Variants in RNMT observed in about 807,000 individuals in gnomAD.
RNMT encodes the protein mRNA cap guanine-N(7) methyltransferase.
A neutral mutation model predicts 56.0 loss-of-function variants in RNMT; 27 were observed. That is an observed-to-expected ratio of 0.48 (90% CI 0.36 to 0.67). The LOEUF is 0.67. RNMT is among the 30% of genes least tolerant of loss of function. The pLI is 0.00. For missense variants in RNMT, 519 were observed against 552.1 expected (o/e 0.94, Z 0.60); for synonymous variants, 184 against 176.2 (o/e 1.04, Z -0.35).
intron 10 of RNMT, among the ~76,000 whole-genome samples, chr18:13,753,066 A>G (rs1410802396): frequency 2.6e-5 from 4 of 152,184 alleles, no homozygotes; most frequent in African/African-American, 9.7e-5. Flanking sequence ...TGTGATATGT[A>G]CTTTATTTTG....
chr18:13,735,044 A>G (rs1039553412), intron 4 of RNMT, among the ~76,000 whole-genome samples: 3 of 152,334 alleles, frequency 2.0e-5, no homozygotes, highest in Admixed American at 1.3e-4. Context: ...TTGAAATTAA[A>G]ATGAAAGTGA....
chr18:13,728,961 G>A (rs1388965068), intron 1 of RNMT, among the ~76,000 whole-genome samples: 1 of 152,112 alleles, frequency 6.6e-6, no homozygotes, highest in Non-Finnish European at 1.5e-5. Context: ...TTGCTGTGCA[G>A]AAGTTTTTTA....
In RNMT at chr18:13,737,132, A is replaced by T; in HGVS notation, c.676A>T (p.Thr226Ser). Reference sequence around the variant, plus strand: ...AGGAAGAATTAACAAGCTAGTTTGTACTGGTAAGATAAATAATGATATGGG... The same window carrying T: ...AGGAAGAATTAACAAGCTAGTTTGTTCTGGTAAGATAAATAATGATATGGG... Reference protein sequence around the residue: ...KKGRINKLVCTDIADVSVKQC... With the variant: ...KKGRINKLVCSDIADVSVKQC... Residue 226 changes from threonine to serine, a missense_variant, in exon 5 of 12, where the codon ACT becomes TCT. By Grantham distance (58) the Thr-to-Ser change is moderately conservative. Coordinates refer to ENST00000383314, the MANE Select transcript of RNMT (RefSeq NM_003799.3). 6.2e-7 allele frequency: 1 copy of T among 1,602,068 alleles called. No homozygotes were observed.
intron 2 of RNMT, among the ~76,000 whole-genome samples, chr18:13,731,132 C>T (rs1240573655): frequency 2.0e-5 from 3 of 152,182 alleles, no homozygotes; most frequent in Non-Finnish European, 2.9e-5. Flanking sequence ...TTAGGCCAGG[C>T]GCAGTGGCTT....
chr18:13,749,478 A>T (rs1276186839), intron 9 of RNMT, among the ~76,000 whole-genome samples: 3 of 152,200 alleles, frequency 2.0e-5, no homozygotes, highest in Non-Finnish European at 4.4e-5. Context: ...TTGCTGCAGG[A>T]TGTTTATAAA....
At chr18:13,734,099 C>CT (rs2044119652) in intron 3 of RNMT, among the ~76,000 whole-genome samples, 1 of 152,150 alleles carries the variant, frequency 6.6e-6, no homozygotes, top group African/African-American at 2.4e-5. Context: ...GGGGTTTCCC[C>CT]TTTTACTTGG....
chr18:13,740,282 A>G lies in RNMT; in HGVS notation c.792+3A>G, dbSNP rs1316043791. The G allele has an allele frequency of 4.3e-6, 6 of 1,409,322 alleles. No individual in the cohort carries two copies. The highest frequency in any genetic ancestry group is 2.8e-5 in the African/African-American group (2 of 70,316). 87.3% of individuals were successfully genotyped at this position (1,409,322 alleles called of 1,614,324 possible). On this transcript the variant is annotated splice_donor_region_variant and intron_variant, in intron 6 of 11. Transcript: ENST00000383314. ...TTATAACTGCTGACAGCTCAAAGGT[A>G]CAGTTTCTTTCTTTGGTCAATTTAT...
chr18:13,761,001 A>G lies in RNMT; in HGVS notation c.*1022A>G, dbSNP rs370831631. Reference sequence around the variant, plus strand: ...TACACCACCATTTGGAAAACTTACCAGTTTTTAGATGTAGATGTAGTGAAA... The same window carrying G: ...TACACCACCATTTGGAAAACTTACCGGTTTTTAGATGTAGATGTAGTGAAA... On this transcript the variant is annotated 3_prime_UTR_variant, in exon 12 of 12. Coordinates refer to ENST00000383314, the MANE Select transcript of RNMT (RefSeq NM_003799.3). 8 of 985,302 alleles carry G rather than the reference A, an allele frequency of 8.1e-6. No homozygotes were observed. In the African/African-American group the frequency reaches 1.4e-4, roughly 17 times the overall value. 61.0% of individuals were successfully genotyped at this position (985,302 alleles called of 1,614,324 possible). A position where few individuals can be genotyped will look rare whatever the true frequency, so the allele number is the denominator to read the frequency against.
intron 3 of RNMT, among the ~76,000 whole-genome samples, 183 bp from the exon 4 acceptor site, chr18:13,734,281 A>C (rs759370009): frequency 6.6e-6 from 1 of 152,226 alleles, no homozygotes; most frequent in Non-Finnish European, 1.5e-5. Context: ...ACTGATACAC[A>C]GGGACACAGA....
chr18:13,743,855 GA>G (rs2044300778), intron 8 of RNMT, among the ~76,000 whole-genome samples: 1 of 151,772 alleles, frequency 6.6e-6, no homozygotes, highest in Non-Finnish European at 1.5e-5. Context: ...AATAATATAA[GA>G]AAGCCAAGTA....
rs1021795081 is a variant in RNMT, at chr18:13,754,056, G to A, written c.1360-58G>A. 4 of 915,816 alleles carry A rather than the reference G, an allele frequency of 4.4e-6. No homozygotes were observed. The African/African-American group carries it at 6.6e-5, about 15-fold the overall frequency. 56.7% of individuals were successfully genotyped at this position (915,816 alleles called of 1,614,324 possible). On this transcript the variant is annotated intron_variant, in intron 10 of 11. Coordinates refer to ENST00000383314, the MANE Select transcript of RNMT (RefSeq NM_003799.3). ...ATCTCTGCCCATTATTTAGAAATAAGCATATGTTTACTTCCATATTGAATC... is the reference window on the plus strand; with the variant it reads ...ATCTCTGCCCATTATTTAGAAATAAACATATGTTTACTTCCATATTGAATC...
chr18:13,762,989 C>T lies in RNMT; in HGVS notation c.*3010C>T. On this transcript the variant is annotated 3_prime_UTR_variant, in exon 12 of 12. Coordinates refer to ENST00000383314, the MANE Select transcript of RNMT (RefSeq NM_003799.3). ...TCTGTTGTCTACCTCAGGCCTTGTG[C>T]ATTTGGGTTATCTCAAGCCAGTCAC... is the stretch of plus-strand genomic sequence containing the variant. The T allele has an allele frequency of 2.3e-6, 1 of 435,264 alleles. No homozygotes were observed. Among genetic ancestry groups the T allele is most frequent in the Non-Finnish European group, 4.6e-6 (1 of 215,572 alleles). The allele number at this position is 435,264 out of a possible 1,614,324, so 27.0% of individuals were successfully genotyped here.
In RNMT at chr18:13,764,135, G is replaced by A. The variant is rs1167553127; in HGVS notation, c.*4156G>A. The A allele has an allele frequency of 6.6e-6, 1 of 152,194 alleles. No individual in the cohort carries two copies. The highest frequency in any genetic ancestry group is 1.5e-5 in the Non-Finnish European group (1 of 68,032). The allele number at this position is 152,194 out of a possible 1,614,324, so 9.4% of individuals were successfully genotyped here. On this transcript the variant is annotated 3_prime_UTR_variant, in exon 12 of 12. Coordinates refer to ENST00000383314, the MANE Select transcript of RNMT (RefSeq NM_003799.3). ...AGGAGCTGAGAATGCCAGTACGAGAGTGTAGCCAAAGTGAGAGGCTGAGAG... is the reference window on the plus strand; with the variant it reads ...AGGAGCTGAGAATGCCAGTACGAGAATGTAGCCAAAGTGAGAGGCTGAGAG...
chr18:13,758,571 A>T (rs1244743985), intron 11 of RNMT, among the ~76,000 whole-genome samples: 17 of 152,086 alleles, frequency 1.1e-4, no homozygotes, highest in Admixed American at 1.1e-3. Context: ...TTGAAGAGAG[A>T]GAGTTAGGGC....
chr18:13,757,663 T>C (rs2044566099), intron 11 of RNMT, among the ~76,000 whole-genome samples: 1 of 152,232 alleles, frequency 6.6e-6, no homozygotes, highest in Non-Finnish European at 1.5e-5. Context: ...ACTGATGTGT[T>C]GAACCCCTTG....
rs201093998 is a variant in RNMT, at chr18:13,744,159, CTTTTTT to C, written c.1139+1528_1139+1533del. Among the ~76,000 whole-genome samples, 848 of 91,372 alleles carry C rather than the reference CTTTTTT, an allele frequency of 9.3e-3. 10 individuals carry two copies. The highest frequency in any genetic ancestry group is 0.012 in the Non-Finnish European group (566 of 45,780). 59.9% of individuals were successfully genotyped at this position (91,372 alleles called of 152,430 possible). The stretch of plus-strand genomic sequence containing the variant: ...ATGCTAAACAAGACCTAGCGGTCTT[CTTTTTT>C]TTTTTTTTTTTTTTTTTTTTGACTT... On this transcript the variant is annotated intron_variant, in intron 8 of 11. Transcript: ENST00000383314.
rs2044644274 is a variant in RNMT at position 13,763,539 on chromosome 18, C to G, written c.*3560C>G. The G allele has an allele frequency of 1.2e-5, 2 of 161,186 alleles. No homozygotes were observed. Among genetic ancestry groups the G allele is most frequent in the South Asian group, 1.8e-4 (1 of 5,542 alleles). 10.0% of individuals were successfully genotyped at this position (161,186 alleles called of 1,614,324 possible). ...TTGTGCTTTTTTGGGGGCAACATACCTTGGACAAAGCTGAGCTGACAGCTA... is the reference window on the plus strand; with the variant it reads ...TTGTGCTTTTTTGGGGGCAACATACGTTGGACAAAGCTGAGCTGACAGCTA... On this transcript the variant is annotated 3_prime_UTR_variant, in exon 12 of 12. Transcript: ENST00000383314.
rs1478491689 is a variant in RNMT, at chr18:13,749,566, A to G, written c.1258-2760A>G. On this transcript the variant is annotated intron_variant, in intron 9 of 11. Transcript: ENST00000383314. The stretch of plus-strand genomic sequence containing the variant: ...AAGTTTATTAGGGAGTTGTACGTTT[A>G]AAGTGCCTCCTTTCTAGCTGGTTTG... 2.0e-5 allele frequency among the ~76,000 whole-genome samples: 3 copies of G among 152,268 alleles called. No individual in the cohort carries two copies. The East Asian group carries it at 5.8e-4, about 29-fold the overall frequency.
chr18:13,740,122 T>C, intron 5 of RNMT, 45 bp from the exon 6 acceptor site: 1 of 1,139,886 alleles, frequency 8.8e-7, no homozygotes, highest in East Asian at 2.4e-5. Context: ...TCTAGATTTC[T>C]GGCATTCTGT....
Sources: allele counts gnomAD v4.1 joint callset (sites outside exome capture counted in the v4.1 genomes callset), GRCh38; gene constraint gnomAD v4.1.1; transcripts MANE v1.5; gene names NCBI Gene and HGNC (gene_info 2026-07-23, HGNC 2026-07-21).